The following NKPD1 variants were observed in gnomAD, a reference collection of about 807,000 sequenced individuals.
The protein encoded by NKPD1 is NTPase KAP family P-loop domain-containing protein 1.
Under a neutral mutation model 42.2 loss-of-function variants are expected in NKPD1, and 37 were observed. That is an observed-to-expected ratio of 0.88 (90% CI 0.67 to 1.15). The LOEUF (loss-of-function observed/expected upper bound fraction) is 1.15, where lower values mean the gene tolerates loss of function less well. NKPD1 is among the 50% of genes most tolerant of loss of function. The pLI is 0.00. For synonymous variants in NKPD1, 552 were observed against 536.5 expected (o/e 1.03, Z -0.40); for missense variants, 1,113 against 1,174.6 (o/e 0.95, Z 0.77).
Position 45,152,200 on chromosome 19 carries a change from A to G in NKPD1, c.2237T>C (p.Leu746Pro). ...AQSLLRCTVN[L>P]DHSIRRRMGL... ...CATGCGCCGGCGGATGGAGTGGTCC[A>G]GGTTGACCGTGCAGCGCAGCAGGCT... The change falls in exon 5 of 5, where the codon CTG becomes CCG. Residue 746 changes from leucine to proline, a missense_variant. Coordinates refer to ENST00000686631, the MANE Select transcript of NKPD1 (RefSeq NM_198478.4). 3 of 1,598,102 alleles carry G rather than the reference A, an allele frequency of 1.9e-6. No individual in the cohort carries two copies. The highest frequency in any genetic ancestry group is 1.1e-5 in the South Asian group (1 of 89,364).
In NKPD1 at chr19:45,153,725, C is replaced by A; in HGVS notation, c.712G>T (p.Val238Leu). The A allele has an allele frequency of 1.3e-6, 2 of 1,523,862 alleles. No homozygotes were observed. The highest frequency in any genetic ancestry group is 8.9e-7 in the Non-Finnish European group (1 of 1,128,828). 94.4% of individuals were successfully genotyped at this position (1,523,862 alleles called of 1,614,324 possible). ...CTCACGGCACGCGGCCGCCACTGCA[C>A]GTGCTGCAGCTCCTCGCTCTCGCGC... ...AQRESEELQH[V>L]QWRPRAVSGW... is the part of the protein sequence containing the mutation. Residue 238 changes from valine to leucine, a missense_variant, in exon 5 of 5, where the codon GTG becomes TTG. Val to Leu is a conservative substitution (Grantham distance 32). This residue lies in a region of NKPD1 where 867 missense variants were observed against 870.1 expected (regional missense o/e 1.00). Transcript: ENST00000686631.
At chr19:45,160,380 G>T (rs1968983591) in intron 1 of NKPD1, among the ~76,000 whole-genome samples, 159 bp from the exon 2 acceptor site, 1 of 152,298 alleles carries the variant, frequency 6.6e-6, no homozygotes, top group African/African-American at 2.4e-5. Flanking sequence ...GATAAGGAGG[G>T]ATGGCCAGAG....
At position 45,158,874 on chromosome 19, in the gene NKPD1, G is replaced by A; in HGVS notation, c.318C>T (p.Ala106=). ...TGGAGGTTGCAGGCAGCCCCTTCTG[G>A]GCTTCGTGAATGGGGCAGAGCCGCT... The part of the protein sequence containing the change: ...LRQRLCPIHE[A]QKGLPATSTV... Residue 106 remains alanine, a synonymous_variant, in exon 3 of 5, where the codon GCC becomes GCT. Transcript: ENST00000686631. The surrounding 1 kb of genome is among the most constrained non-coding windows in gnomAD (Gnocchi z 4.6). 7.8e-7 allele frequency: 1 copy of A among 1,285,324 alleles called. No individual in the cohort carries two copies. Among genetic ancestry groups the A allele is most frequent in the Non-Finnish European group, 1.0e-6 (1 of 979,466 alleles). The allele number at this position is 1,285,324 out of a possible 1,614,324, so 79.6% of individuals were successfully genotyped here.
chr19:45,155,269 G>T (rs1882588918), intron 4 of NKPD1, among the ~76,000 whole-genome samples: 1 of 152,026 alleles, frequency 6.6e-6, no homozygotes, highest in African/African-American at 2.4e-5. Context: ...AGTGAGCCAA[G>T]ATCGCACCAT....
chr19:45,156,565 G>T (rs1968906529), intron 3 of NKPD1, among the ~76,000 whole-genome samples: 1 of 152,222 alleles, frequency 6.6e-6, no homozygotes, highest in East Asian at 1.9e-4. Context: ...AGACACCAGG[G>T]AGCAGGAATG....
In NKPD1 at chr19:45,152,902, G is replaced by A; in HGVS notation, c.1535C>T (p.Ala512Val). Residue 512 changes from alanine (A) to valine (V), a missense_variant, in exon 5 of 5, where the codon GCC (alanine) becomes GTC (valine). Transcript: ENST00000686631. ...LESAGNMKGTADNGYLFLNRT... is the reference protein window; with the variant it reads ...LESAGNMKGTVDNGYLFLNRT... ...GTTGAGGAAGAGGTAGCCGTTATCG[G>A]CCGTGCCCTTCATGTTGCCCGCGCT... 6.3e-7 allele frequency: 1 copy of A among 1,582,478 alleles called. No homozygotes were observed. The highest frequency in any genetic ancestry group is 1.1e-5 in the South Asian group (1 of 87,950).
intron 4 of NKPD1, 41 bp from the exon 5 acceptor site, chr19:45,153,816 C>T (rs1308058263): frequency 7.1e-7 from 1 of 1,408,856 alleles, no homozygotes; most frequent in African/African-American, 1.5e-5. Context: ...GCCGCAGACC[C>T]GCCGGGGTGG....
At position 45,152,350 on chromosome 19, in the gene NKPD1, T is replaced by C. The variant is rs777023134; in HGVS notation, c.2087A>G (p.Asp696Gly). Residue 696 changes from aspartate to glycine, a missense_variant, in exon 5 of 5, where the codon GAC becomes GGC. Asp to Gly is a moderately conservative substitution (Grantham distance 94). Around this residue, in one of 3 missense-constraint regions of NKPD1, gnomAD observed 867 missense variants for 870.1 expected, o/e 1.00. Coordinates refer to ENST00000686631, the MANE Select transcript of NKPD1 (RefSeq NM_198478.4). ...GRARLWDVFR[D>G]NSRELHTMTK... ...CATGGTGTGCAGCTCGCGGCTGTTG[T>C]CGCGGAAAACGTCCCAGAGGCGCGC... 1.9e-6 allele frequency: 3 copies of C among 1,604,248 alleles called. No individual in the cohort carries two copies. Among genetic ancestry groups the C allele is most frequent in the South Asian group, 1.1e-5 (1 of 90,304 alleles).
chr19:45,156,058 G>A (rs1207133684), intron 3 of NKPD1, 142 bp from the exon 4 acceptor site: 44 of 752,282 alleles, frequency 5.8e-5, no homozygotes, highest in Non-Finnish European at 8.2e-5. Context: ...TGCAGTGGAG[G>A]TTTCTGTGGC....
chr19:45,152,365 C>G lies in NKPD1; in HGVS notation c.2072G>C (p.Trp691Ser). The G allele has an allele frequency of 6.3e-7, 1 of 1,596,920 alleles. No individual in the cohort carries two copies. Among genetic ancestry groups the G allele is most frequent in the African/African-American group, 1.3e-5 (1 of 74,142 alleles). ...GGAPEGRARL[W>S]DVFRDNSREL... ...GCGGCTGTTGTCGCGGAAAACGTCC[C>G]AGAGGCGCGCGCGGCCCTCGGGCGC... is the stretch of plus-strand genomic sequence containing the variant. The change falls in exon 5 of 5, where the codon TGG (tryptophan) becomes TCG (serine). Residue 691 changes from tryptophan to serine, a missense_variant. This residue lies in a region of NKPD1 where 867 missense variants were observed against 870.1 expected (regional missense o/e 1.00). Coordinates refer to ENST00000686631, the MANE Select transcript of NKPD1 (RefSeq NM_198478.4).
intron 2 of NKPD1, among the ~76,000 whole-genome samples, chr19:45,159,326 C>T (rs1297206496): frequency 6.6e-6 from 1 of 152,078 alleles, no homozygotes; most frequent in Non-Finnish European, 1.5e-5. Flanking sequence ...CAGGCTTGGA[C>T]TTCAGCTGGG....
Position 45,153,312 on chromosome 19 carries a change from G to C in NKPD1, c.1125C>G (p.Ser375Arg). Residue 375 changes from serine (S) to arginine (R), a missense_variant, in exon 5 of 5, where the codon AGC becomes AGG. Physicochemically the swap from Ser to Arg is moderately radical, Grantham distance 110. Coordinates refer to ENST00000686631, the MANE Select transcript of NKPD1 (RefSeq NM_198478.4). ...CCGCGCCGCCAAACACCTTGAGCAG[G>C]CTGCCGCTCGGGCTGCCGTGGCCCA... Reference protein sequence around the residue: ...HALGHGSPSGSLLKVFGGAAT... With the variant: ...HALGHGSPSGRLLKVFGGAAT... 6.3e-7 allele frequency: 1 copy of C among 1,576,556 alleles called. No individual in the cohort carries two copies. Among genetic ancestry groups the C allele is most frequent in the Middle Eastern group, 1.7e-4 (1 of 5,976 alleles).
chr19:45,152,908 C>T lies in NKPD1; in HGVS notation c.1529G>A (p.Gly510Asp). ...ACLESAGNMK[G>D]TADNGYLFLN... ...GAAGAGGTAGCCGTTATCGGCCGTGCCCTTCATGTTGCCCGCGCTCTCTAG... is the reference window on the plus strand; with the variant it reads ...GAAGAGGTAGCCGTTATCGGCCGTGTCCTTCATGTTGCCCGCGCTCTCTAG... Residue 510 changes from glycine to aspartate, a missense_variant, in exon 5 of 5, where the codon GGC becomes GAC. Physicochemically the swap from Gly to Asp is moderately conservative, Grantham distance 94. Around this residue, in one of 3 missense-constraint regions of NKPD1, gnomAD observed 867 missense variants for 870.1 expected, o/e 1.00. Transcript: ENST00000686631. 6.3e-7 allele frequency: 1 copy of T among 1,580,730 alleles called. No individual in the cohort carries two copies. Among genetic ancestry groups the T allele is most frequent in the Non-Finnish European group, 8.6e-7 (1 of 1,161,004 alleles).
chr19:45,152,377 C>A lies in NKPD1; in HGVS notation c.2060G>T (p.Arg687Leu). ...GCGGAAAACGTCCCAGAGGCGCGCG[C>A]GGCCCTCGGGCGCGCCCCCGGTCTG... Reference protein sequence around the residue: ...RQQTGGAPEGRARLWDVFRDN... With the variant: ...RQQTGGAPEGLARLWDVFRDN... The change falls in exon 5 of 5, where the codon CGC becomes CTC. Residue 687 changes from arginine to leucine, a missense_variant. This residue lies in a region of NKPD1 where 867 missense variants were observed against 870.1 expected (regional missense o/e 1.00). Transcript: ENST00000686631. 6.3e-7 allele frequency: 1 copy of A among 1,588,776 alleles called. No homozygotes were observed. Among genetic ancestry groups the A allele is most frequent in the Admixed American group, 1.7e-5 (1 of 57,352 alleles).
intron 3 of NKPD1, among the ~76,000 whole-genome samples, chr19:45,156,347 C>T (rs959134468): frequency 2.6e-5 from 4 of 152,200 alleles, no homozygotes; most frequent in South Asian, 2.1e-4. Context: ...TCTGCTGGCC[C>T]GGCCAGAGCA....
intron 2 of NKPD1, among the ~76,000 whole-genome samples, chr19:45,159,745 C>T (rs1968971990): frequency 6.6e-6 from 1 of 152,198 alleles, no homozygotes; most frequent in African/African-American, 2.4e-5. Context: ...GGCTCCCTCT[C>T]CTACCCCTCA....
At chr19:45,161,615 CG>C (rs1468939124), upstream of NKPD1, among the ~76,000 whole-genome samples, 1 of 152,182 alleles carries the variant, frequency 6.6e-6, no homozygotes, top group East Asian at 1.9e-4. Flanking sequence ...AGAGGCAGGG[CG>C]GGGATTTGGA....
chr19:45,152,441 G>T lies in NKPD1; in HGVS notation c.1996C>A (p.Arg666Ser). Residue 666 changes from arginine to serine, a missense_variant, in exon 5 of 5, where the codon CGC becomes AGC. Around this residue, in one of 3 missense-constraint regions of NKPD1, gnomAD observed 867 missense variants for 870.1 expected, o/e 1.00. Transcript: ENST00000686631. ...WVVLANQWPC[R>S]LSWALQCLED... Reference sequence around the variant, plus strand: ...AGGCACTGCAGCGCCCAGCTCAGGCGGCACGGCCACTGGTTGGCGAGCACC... The same window carrying T: ...AGGCACTGCAGCGCCCAGCTCAGGCTGCACGGCCACTGGTTGGCGAGCACC... 1 of 1,559,890 alleles carries T rather than the reference G, an allele frequency of 6.4e-7. No homozygotes were observed. Among genetic ancestry groups the T allele is most frequent in the Non-Finnish European group, 8.6e-7 (1 of 1,156,688 alleles).
chr19:45,150,921 G>C lies in NKPD1; in HGVS notation c.*1017C>G, dbSNP rs1228607261. The C allele has an allele frequency of 6.6e-6, 1 of 152,334 alleles. No homozygotes were observed. Among genetic ancestry groups the C allele is most frequent in the Non-Finnish European group, 1.5e-5 (1 of 68,114 alleles). 9.4% of individuals were successfully genotyped at this position (152,334 alleles called of 1,614,324 possible). The stretch of plus-strand genomic sequence containing the variant: ...AAGCCACACCCTCAGCCTCATCCCA[G>C]GGTATGTTCAGTGTTGGCCCTTGTG... On this transcript the variant is annotated 3_prime_UTR_variant, in exon 5 of 5. Coordinates refer to ENST00000686631, the MANE Select transcript of NKPD1 (RefSeq NM_198478.4).
Sources: gnomAD v4.1 joint callset for allele counts (sites outside exome capture counted in the v4.1 genomes callset) on GRCh38, gnomAD v4.1.1 for gene constraint, gnomAD v4.1.1 regional missense constraint, Gnocchi (gnomAD v3.1) non-coding constraint, MANE v1.5 for transcripts, NCBI Gene and HGNC (gene_info 2026-07-23, HGNC 2026-07-21) for gene names.